TUSC3: variants seen among roughly 807,000 people sequenced by gnomAD.
TUSC3 encodes dolichyl-diphosphooligosaccharide--protein glycosyltransferase subunit TUSC3.
Under a neutral mutation model 44.8 loss-of-function variants are expected in TUSC3, and 45 were observed. That is an observed-to-expected ratio of 1.00 (90% CI 0.79 to 1.29). TUSC3 has a LOEUF of 1.29. Ranked by LOEUF, TUSC3 falls within the 50% of genes most tolerant of loss-of-function variation. The pLI is 0.00. For synonymous variants in TUSC3, 212 were observed against 152.9 expected, an observed-to-expected ratio of 1.39 and a Z score of -2.85; for missense variants, 519 against 437.9, an observed-to-expected ratio of 1.19 and a Z score of -1.65.
At chr8:15,715,539 C>G (rs1810023600) in intron 6 of TUSC3, among the ~76,000 whole-genome samples, 1 of 152,072 alleles carries the variant, frequency 6.6e-6, no homozygotes, top group Non-Finnish European at 1.5e-5. Context: ...GATTTCATCA[C>G]ACTACTCGGA....
intron 2 of TUSC3, among the ~76,000 whole-genome samples, chr8:15,487,654 T>C (rs891599872): frequency 4.6e-5 from 7 of 152,202 alleles, no homozygotes; most frequent in Admixed American, 6.5e-5. Flanking sequence ...ATTCAAATTA[T>C]AAGTGCTGTA....
chr8:15,715,561 C>CT (rs967260898), intron 6 of TUSC3, among the ~76,000 whole-genome samples: 3 of 152,062 alleles, frequency 2.0e-5, no homozygotes, highest in Non-Finnish European at 4.4e-5. Context: ...CAGCCTGCAA[C>CT]TTAAAGCATA....
intron 1 of TUSC3, among the ~76,000 whole-genome samples, chr8:15,615,828 G>C (rs974000962): frequency 1.3e-5 from 2 of 152,124 alleles, no homozygotes; most frequent in African/African-American, 4.8e-5. Context: ...AAACCCATAA[G>C]TACTGAAATG....
chr8:15,537,125 A>G (rs11787005), upstream of TUSC3, among the ~76,000 whole-genome samples: 35,573 of 147,374 alleles, frequency 0.24, 4,344 homozygotes, highest in East Asian at 0.47. Context: ...CTTAAGAAAC[A>G]TGTTACAACC....
At chr8:15,602,922 A>G (rs1157919444) in intron 1 of TUSC3, among the ~76,000 whole-genome samples, 1 of 151,728 alleles carries the variant, frequency 6.6e-6, no homozygotes, top group Non-Finnish European at 1.5e-5. Flanking sequence ...CTAAGTATTA[A>G]TAACACTTTA....
intron 1 of TUSC3, among the ~76,000 whole-genome samples, chr8:15,457,341 AC>A (rs1434254193): frequency 6.6e-6 from 1 of 151,858 alleles, no homozygotes; most frequent in Non-Finnish European, 1.5e-5. Flanking sequence ...ATTTAAAAAA[AC>A]AAAAACAAAT....
chr8:15,473,457 C>T (rs1457573449), intron 1 of TUSC3, among the ~76,000 whole-genome samples: 1 of 152,172 alleles, frequency 6.6e-6, no homozygotes, highest in Admixed American at 6.5e-5. Flanking sequence ...AGTCTTGTTC[C>T]ATTGTCACTC....
At chr8:15,621,659 C>G (rs995897063) in intron 1 of TUSC3, among the ~76,000 whole-genome samples, 3 of 147,528 alleles carry the variant, frequency 2.0e-5, no homozygotes, top group African/African-American at 4.9e-5. Flanking sequence ...AAATCTATAG[C>G]TATATATTTT....
intron 10 of TUSC3, among the ~76,000 whole-genome samples, chr8:15,762,295 C>T (rs1253391369): frequency 1.3e-5 from 2 of 151,736 alleles, no homozygotes; most frequent in Non-Finnish European, 2.9e-5. Flanking sequence ...ATAAAGGATA[C>T]ATCTAACTAA....
chr8:15,437,443 T>G (rs1799963174), intron 1 of TUSC3, among the ~76,000 whole-genome samples: 1 of 152,354 alleles, frequency 6.6e-6, no homozygotes, highest in East Asian at 1.9e-4. Flanking sequence ...GATTTTATTC[T>G]GTGGCTGTTA....
chr8:15,669,264 A>G (rs933867605), intron 5 of TUSC3, among the ~76,000 whole-genome samples: 3 of 151,858 alleles, frequency 2.0e-5, no homozygotes, highest in African/African-American at 4.8e-5. Context: ...TGCTGAAACA[A>G]TTGAATCCAA....
the TUSC3 span, among the ~76,000 whole-genome samples, chr8:15,794,074 T>C: frequency 6.6e-6 from 1 of 152,198 alleles, no homozygotes; most frequent in Non-Finnish European, 1.5e-5. Context: ...CTCCCTCTGA[T>C]GGATGAATGA....
At chr8:15,498,427 A>G (rs1021422661) in intron 2 of TUSC3, among the ~76,000 whole-genome samples, 12 of 152,198 alleles carry the variant, frequency 7.9e-5, no homozygotes, top group Non-Finnish European at 1.6e-4. Context: ...ATAGTACTGT[A>G]GGAGAACCGG....
intron 2 of TUSC3, among the ~76,000 whole-genome samples, chr8:15,525,647 G>C (rs995029313): frequency 3.3e-5 from 5 of 152,130 alleles, no homozygotes; most frequent in African/African-American, 4.8e-5. Flanking sequence ...GACAGGGCTA[G>C]GCAGATAATC....
At chr8:15,661,813 T>C (rs993275485) in intron 4 of TUSC3, among the ~76,000 whole-genome samples, 8 of 151,918 alleles carry the variant, frequency 5.3e-5, no homozygotes, top group Non-Finnish European at 1.0e-4. Flanking sequence ...TATATATATA[T>C]ATATACATGA....
chr8:15,822,575 T>A, the TUSC3 span, among the ~76,000 whole-genome samples: 8 of 152,098 alleles, frequency 5.3e-5, no homozygotes, highest in Non-Finnish European at 1.2e-4. Flanking sequence ...ACTTTTAGAA[T>A]TACTGCCCTA....
chr8:15,687,848 G>GA, intron 6 of TUSC3, among the ~76,000 whole-genome samples: 3 of 152,166 alleles, frequency 2.0e-5, no homozygotes, highest in Admixed American at 2.0e-4. Flanking sequence ...AAGTATATCA[G>GA]AAAAAAATTG....
intron 2 of TUSC3, among the ~76,000 whole-genome samples, chr8:15,489,060 C>A (rs1266892242): frequency 6.6e-6 from 1 of 152,096 alleles, no homozygotes. Context: ...ATATGAGTGA[C>A]CAAGACTGAG....
intron 2 of TUSC3, among the ~76,000 whole-genome samples, chr8:15,504,296 A>C (rs138665127): frequency 5.9e-5 from 9 of 152,120 alleles, no homozygotes; most frequent in Non-Finnish European, 1.2e-4. Flanking sequence ...TTGACAGTGC[A>C]GTTTAACTTA....
Sources: gnomAD v4.1 joint callset for allele counts (sites outside exome capture counted in the v4.1 genomes callset) on GRCh38, gnomAD v4.1.1 for gene constraint, MANE v1.5 for transcripts, NCBI Gene and HGNC (gene_info 2026-07-23, HGNC 2026-07-21) for gene names.